The following ROBO1 variants were observed in gnomAD, a reference collection of about 807,000 sequenced individuals.
ROBO1 encodes roundabout guidance receptor 1, also known as roundabout homolog 1.
Under a neutral mutation model 195.9 loss-of-function variants are expected in ROBO1, and 149 were observed. The ratio of observed to expected loss-of-function variants is 0.76; its 90% CI spans 0.67 to 0.87. The LOEUF is 0.87. ROBO1 is among the 40% of genes least tolerant of loss of function. ROBO1 has a pLI of 0.00. For synonymous variants in ROBO1, 816 were observed against 733.2 expected (o/e 1.11, Z -1.82); for missense variants, 1,933 against 2,068.3 (o/e 0.93, Z 1.27).
chr3:78,979,436 A>C (rs1361257311), intron 3 of ROBO1, among the ~76,000 whole-genome samples: 3 of 152,330 alleles, frequency 2.0e-5, no homozygotes, highest in Admixed American at 6.5e-5. Flanking sequence ...GGACTGAATA[A>C]TTGTTGAAAT....
intron 28 of ROBO1, among the ~76,000 whole-genome samples, chr3:78,612,426 T>G (rs949720455): frequency 2.6e-5 from 4 of 152,192 alleles, no homozygotes; most frequent in African/African-American, 9.7e-5. Flanking sequence ...CTTCATGAGT[T>G]GGTCTATGAA....
chr3:78,622,261 A>C (rs1704501701), intron 26 of ROBO1, among the ~76,000 whole-genome samples: 1 of 152,196 alleles, frequency 6.6e-6, no homozygotes, highest in Non-Finnish European at 1.5e-5. Context: ...GCAGGTCTTT[A>C]ATGTTTATAT....
At chr3:79,370,596 C>T (rs922317367) in intron 2 of ROBO1, among the ~76,000 whole-genome samples, 9 of 151,328 alleles carry the variant, frequency 5.9e-5, no homozygotes, top group African/African-American at 2.2e-4. Flanking sequence ...AATTCCTTTT[C>T]GACTTCTTTA....
chr3:78,634,619 TA>T, intron 23 of ROBO1: 1 of 199,898 alleles, frequency 5.0e-6, no homozygotes, highest in Non-Finnish European at 1.1e-5. Context: ...AAGTCCACAG[TA>T]AAACAATATA....
intron 2 of ROBO1, among the ~76,000 whole-genome samples, chr3:79,502,489 C>T (rs1559946405): frequency 6.6e-6 from 1 of 152,184 alleles, no homozygotes; most frequent in East Asian, 1.9e-4. Context: ...GCCTGAGTCT[C>T]CCCCCGCCCC....
At chr3:79,482,134 T>C (rs1938897989) in intron 2 of ROBO1, among the ~76,000 whole-genome samples, 1 of 152,220 alleles carries the variant, frequency 6.6e-6, no homozygotes, top group African/African-American at 2.4e-5. Context: ...AAAATATTGA[T>C]TCCATCAGTA....
intron 4 of ROBO1, among the ~76,000 whole-genome samples, chr3:78,803,817 A>G (rs1228795401): frequency 6.6e-6 from 1 of 152,164 alleles, no homozygotes; most frequent in Non-Finnish European, 1.5e-5. Flanking sequence ...GATAAGGAAG[A>G]AGGAGGTTAT....
intron 3 of ROBO1, among the ~76,000 whole-genome samples, chr3:78,940,469 AC>A (rs1449384498): frequency 6.6e-6 from 1 of 152,016 alleles, no homozygotes; most frequent in Non-Finnish European, 1.5e-5. Context: ...TCCCTGATCC[AC>A]CTGTCTAGAC....
rs1334415360 is a variant in ROBO1 at position 78,874,036 on chromosome 3, G to T, written c.499+64565C>A. ...GAGAGGATTTTTTTTTTAATGATATGTGACTTCAATTACTAACCTTAAAGT... is the reference window on the plus strand; with the variant it reads ...GAGAGGATTTTTTTTTTAATGATATTTGACTTCAATTACTAACCTTAAAGT... On this transcript the variant is annotated intron_variant, in intron 4 of 30. Transcript: ENST00000464233. Among the ~76,000 whole-genome samples the T allele has an allele frequency of 2.6e-5, 4 of 151,678 alleles. No homozygotes were observed. The East Asian group carries it at 7.7e-4, about 29-fold the overall frequency.
chr3:78,702,794 G>A (rs997300304), intron 8 of ROBO1, among the ~76,000 whole-genome samples: 3 of 152,080 alleles, frequency 2.0e-5, no homozygotes, highest in African/African-American at 7.2e-5. Flanking sequence ...TTATGTAGAC[G>A]AATAAATCAC....
rs1703082359 is a variant in ROBO1, at chr3:78,600,125, A to G, written c.4929T>C (p.Asn1643=). ...AAATTATAGATACCTCTAATTCTTC[A>G]TTATTATCTTCTCCTCTTTCATATC... ...LGGYERGEDN[N]EELEETES The change falls in exon 30 of 31, where the codon AAT becomes AAC. Residue 1643 remains asparagine (N), a synonymous_variant. Transcript: ENST00000464233. 1.1e-5 allele frequency: 17 copies of G among 1,612,162 alleles called. No individual in the cohort carries two copies. Among genetic ancestry groups the G allele is most frequent in the Non-Finnish European group, 1.4e-5 (17 of 1,178,698 alleles).
At chr3:78,718,023 G>T in intron 5 of ROBO1, 140 bp from the exon 6 acceptor site, 1 of 790,796 alleles carries the variant, frequency 1.3e-6, no homozygotes. Flanking sequence ...TGTAGTATTT[G>T]CTATTTTTAG....
chr3:79,317,833 C>T (rs941298097), intron 2 of ROBO1, among the ~76,000 whole-genome samples: 1 of 152,116 alleles, frequency 6.6e-6, no homozygotes, highest in African/African-American at 2.4e-5. Flanking sequence ...TATACACATA[C>T]ATCTCCTTAC....
chr3:78,805,952 G>T (rs1472688823), intron 4 of ROBO1, among the ~76,000 whole-genome samples: 3 of 151,690 alleles, frequency 2.0e-5, no homozygotes, highest in Non-Finnish European at 4.4e-5. Flanking sequence ...CTTTTAATTT[G>T]GTATCTCTAA....
chr3:79,269,376 C>T (rs541606873), intron 2 of ROBO1, among the ~76,000 whole-genome samples: 55 of 151,812 alleles, frequency 3.6e-4, no homozygotes, highest in African/African-American at 7.0e-4. Context: ...GTTTTCCTTA[C>T]GCCATATAAC....
At position 79,561,509 on chromosome 3, in the gene ROBO1, A is replaced by G. The variant is rs543387003; in HGVS notation, c.88+28315T>C. ...AGCTGGAATTGAGGGACAAGAGTAG[A>G]TTTAAACGTGGGCCAAATTATAAAA... is the stretch of plus-strand genomic sequence containing the variant. On this transcript the variant is annotated intron_variant, in intron 2 of 30. Transcript: ENST00000464233. 3.3e-5 allele frequency among the ~76,000 whole-genome samples: 5 copies of G among 152,276 alleles called. No homozygotes were observed. In the South Asian group the frequency reaches 1.0e-3, roughly 32 times the overall value.
chr3:79,648,797 G>A (rs943684877), intron 1 of ROBO1, among the ~76,000 whole-genome samples: 2 of 152,016 alleles, frequency 1.3e-5, no homozygotes, highest in Admixed American at 6.6e-5. Context: ...AAAGAAAAAC[G>A]AAAAACTAAA....
intron 2 of ROBO1, among the ~76,000 whole-genome samples, chr3:79,352,486 C>G (rs2035382497): frequency 6.6e-6 from 1 of 152,162 alleles, no homozygotes; most frequent in Non-Finnish European, 1.5e-5. Context: ...GGACGTTAAT[C>G]AGATTTCACA....
intron 3 of ROBO1, among the ~76,000 whole-genome samples, chr3:78,963,506 T>TTTTTTTTTTTTTTTTTTC (rs2041500649): frequency 8.2e-6 from 1 of 121,240 alleles, no homozygotes; most frequent in African/African-American, 3.2e-5. Context: ...TTTTTTTTTT[T>TTTTTTTTTTTTTTTTTTC]TTTTTTTTTT....
Sources: gnomAD v4.1 joint callset for allele counts (sites outside exome capture counted in the v4.1 genomes callset) on GRCh38, gnomAD v4.1.1 for gene constraint, MANE v1.5 for transcripts, NCBI Gene and HGNC (gene_info 2026-07-23, HGNC 2026-07-21) for gene names.